Variants in KLHL26 observed in about 807,000 individuals in gnomAD.
KLHL26 encodes kelch like family member 26.
Under a neutral mutation model 7.1 loss-of-function variants are expected in KLHL26, and 4 were observed. That is an observed-to-expected ratio of 0.56 (90% confidence interval 0.28 to 1.28). KLHL26 has a LOEUF of 1.28. KLHL26 is among the 50% of genes most tolerant of loss of function. The probability of loss-of-function intolerance (pLI) is 0.11; values close to 1 mark genes in which losing one functional copy is unlikely to be tolerated. For missense variants in KLHL26, 896 were observed against 924.6 expected, an observed-to-expected ratio of 0.97 and a Z score of 0.40; for synonymous variants, 465 against 414.1, an observed-to-expected ratio of 1.12 and a Z score of -1.49.
intron 2 of KLHL26, among the ~76,000 whole-genome samples, chr19:18,666,198 G>A (rs143847182): frequency 1.1e-4 from 17 of 152,268 alleles, no homozygotes; most frequent in African/African-American, 2.4e-4. Context: ...CTCCTGGACC[G>A]CTCAGAGATG....
At position 18,645,372 on chromosome 19, in the gene KLHL26, C is replaced by A. The variant is rs146003930; in HGVS notation, c.83+8235C>A. 1.0e-3 allele frequency among the ~76,000 whole-genome samples: 152 copies of A among 152,262 alleles called. 1 individual carries two copies. In the Middle Eastern group the frequency reaches 0.031, roughly 31 times the overall value. Reference sequence around the variant, plus strand: ...GAACCTTCTGGCCTTGCAGCCTCTCCGACATGGGCCTTTGGCATCCACGCT... The same window carrying A: ...GAACCTTCTGGCCTTGCAGCCTCTCAGACATGGGCCTTTGGCATCCACGCT... On this transcript the variant is annotated intron_variant, in intron 1 of 2. Transcript: ENST00000300976.
intron 1 of KLHL26, chr19:18,659,639 T>C (rs928476111): frequency 6.6e-6 from 1 of 151,918 alleles, no homozygotes; most frequent in African/African-American, 2.4e-5. Flanking sequence ...TGAAATTCTT[T>C]CTTGTTCTTG....
Position 18,649,811 on chromosome 19 carries a change from A to G in KLHL26, c.83+12674A>G, listed in dbSNP as rs968984492. Reference sequence around the variant, plus strand: ...CTCCGGAGAGGGCCGCACAGAATTCACAGGACTCGTCTCCAACGGCTGCGC... The same window carrying G: ...CTCCGGAGAGGGCCGCACAGAATTCGCAGGACTCGTCTCCAACGGCTGCGC... On this transcript the variant is annotated intron_variant, in intron 1 of 2. Coordinates refer to ENST00000300976, the MANE Select transcript of KLHL26 (RefSeq NM_018316.3). This position sits in a 1 kb window ranked among gnomAD's most constrained non-coding sequence, Gnocchi z 4.0. Among the ~76,000 whole-genome samples, 56 of 151,754 alleles carry G rather than the reference A, an allele frequency of 3.7e-4. No homozygotes were observed. The highest frequency in any genetic ancestry group is 1.4e-3 in the African/African-American group (56 of 41,332).
chr19:18,664,476 G>A lies in KLHL26; in HGVS notation c.266+33G>A, dbSNP rs746329879. ...CTGGCCCCAGGCAGCTGGAAGGGGC[G>A]GCTGCCTGTTGGGACAGGGACAGGG... is the stretch of plus-strand genomic sequence containing the variant. On this transcript the variant is annotated intron_variant, in intron 2 of 2. Transcript: ENST00000300976. The A allele has an allele frequency of 1.8e-5, 28 of 1,514,914 alleles. No individual in the cohort carries two copies. In the East Asian group the frequency reaches 2.1e-4, roughly 11 times the overall value. The allele number at this position is 1,514,914 out of a possible 1,614,324, so 93.8% of individuals were successfully genotyped here. A position where few individuals can be genotyped will look rare whatever the true frequency, so the allele number is the denominator to read the frequency against.
In KLHL26 at chr19:18,649,168, G is replaced by A. The variant is rs968955683; in HGVS notation, c.83+12031G>A. ...CCGTGGCGCCACTGCTCGCCCTGTCGTCATGGTACATTCTCTGCTTGAGGA... is the reference window on the plus strand; with the variant it reads ...CCGTGGCGCCACTGCTCGCCCTGTCATCATGGTACATTCTCTGCTTGAGGA... On this transcript the variant is annotated intron_variant, in intron 1 of 2. Transcript: ENST00000300976. The surrounding 1 kb of genome is among the most constrained non-coding windows in gnomAD (Gnocchi z 4.0). Among the ~76,000 whole-genome samples, 5 of 152,154 alleles carry A rather than the reference G, an allele frequency of 3.3e-5. No individual in the cohort carries two copies. The highest frequency in any genetic ancestry group is 6.5e-5 in the Admixed American group (1 of 15,274).
At chr19:18,665,485 A>C (rs1358417632) in intron 2 of KLHL26, among the ~76,000 whole-genome samples, 1 of 152,242 alleles carries the variant, frequency 6.6e-6, no homozygotes. Flanking sequence ...CTGGAGCAGG[A>C]CAGCTGGGGG....
chr19:18,668,375 C>A lies in KLHL26; in HGVS notation c.978C>A (p.Val326=). The A allele has an allele frequency of 6.2e-7, 1 of 1,607,816 alleles. No individual in the cohort carries two copies. The highest frequency in any genetic ancestry group is 1.1e-5 in the South Asian group (1 of 90,960). The change falls in exon 3 of 3, where the codon GTC becomes GTA. Residue 326 remains valine (V), a synonymous_variant. Coordinates refer to ENST00000300976, the MANE Select transcript of KLHL26 (RefSeq NM_018316.3). The part of the protein sequence containing the change: ...GTPYTDSDRS[V]SSKVYQLPEP... Reference sequence around the variant, plus strand: ...CCTACACCGACAGCGACCGCTCGGTCAGCAGCAAGGTCTACCAGCTGCCTG... The same window carrying A: ...CCTACACCGACAGCGACCGCTCGGTAAGCAGCAAGGTCTACCAGCTGCCTG...
chr19:18,652,425 A>G (rs971662515), intron 1 of KLHL26, among the ~76,000 whole-genome samples: 2 of 152,046 alleles, frequency 1.3e-5, no homozygotes, highest in Admixed American at 1.3e-4. Flanking sequence ...CCTCGTCTCT[A>G]TTAAAAATAC....
chr19:18,656,126 G>A lies in KLHL26; in HGVS notation c.84-8135G>A, dbSNP rs2052330187. ...CTGTTTTCTGGAAGGTTTGAGCAAG[G>A]CTCAGGAAAGGGGAGGCCACGCAGC... On this transcript the variant is annotated intron_variant, in intron 1 of 2. Transcript: ENST00000300976. The surrounding 1 kb of genome is among the most constrained non-coding windows in gnomAD (Gnocchi z 4.4). Among the ~76,000 whole-genome samples, 1 of 152,124 alleles carries A rather than the reference G, an allele frequency of 6.6e-6. No homozygotes were observed. The highest frequency in any genetic ancestry group is 2.1e-4 in the South Asian group (1 of 4,828).
Position 18,668,412 on chromosome 19 carries a change from C to A in KLHL26, c.1015C>A (p.Arg339Ser). The A allele has an allele frequency of 6.2e-7, 1 of 1,610,710 alleles. No individual in the cohort carries two copies. Among genetic ancestry groups the A allele is most frequent in the Non-Finnish European group, 8.5e-7 (1 of 1,179,544 alleles). Residue 339 changes from arginine (R) to serine (S), a missense_variant, in exon 3 of 3, where the codon CGC becomes AGC. Physicochemically the swap from Arg to Ser is moderately radical, Grantham distance 110 (BLOSUM62 -1). Transcript: ENST00000300976. ...KVYQLPEPGA[R>S]HFRELTEMEV... The stretch of plus-strand genomic sequence containing the variant: ...CTACCAGCTGCCTGAGCCGGGAGCC[C>A]GCCACTTCCGCGAGCTCACGGAGAT...
At chr19:18,660,058 T>C (rs866888556) in intron 1 of KLHL26, among the ~76,000 whole-genome samples, 2 of 151,678 alleles carry the variant, frequency 1.3e-5, no homozygotes, top group South Asian at 4.2e-4. Context: ...AGGGCAACCC[T>C]TGGAGATCTC....
At chr19:18,662,883 G>A (rs552249530) in intron 1 of KLHL26, among the ~76,000 whole-genome samples, 30 of 152,120 alleles carry the variant, frequency 2.0e-4, no homozygotes, top group African/African-American at 6.3e-4. Context: ...GGAGGTAAGC[G>A]TCCCTTCCAC....
At chr19:18,666,773 A>G (rs1157286849) in intron 2 of KLHL26, among the ~76,000 whole-genome samples, 1 of 152,020 alleles carries the variant, frequency 6.6e-6, no homozygotes, top group East Asian at 1.9e-4. Context: ...CCCTCTTCAC[A>G]TGATGGTTGT....
chr19:18,648,566 G>T lies in KLHL26; in HGVS notation c.83+11429G>T, dbSNP rs141745309. On this transcript the variant is annotated intron_variant, in intron 1 of 2. Transcript: ENST00000300976. The surrounding 1 kb of genome is among the most constrained non-coding windows in gnomAD (Gnocchi z 4.9). The stretch of plus-strand genomic sequence containing the variant: ...GCTGCACTGCCTGCAACAAGCAGCA[G>T]ACTTGGAGGCGCCACCTGGCCTAGG... Among the ~76,000 whole-genome samples the T allele has an allele frequency of 7.3e-3, 1,114 of 152,320 alleles. 29 individuals are homozygous for T. Among genetic ancestry groups the T allele is most frequent in the Admixed American group, 0.043 (660 of 15,298 alleles).
intron 1 of KLHL26, among the ~76,000 whole-genome samples, chr19:18,654,317 A>G (rs1359361747): frequency 7.0e-6 from 1 of 141,896 alleles, no homozygotes; most frequent in African/African-American, 2.7e-5. Context: ...CCATCTACCA[A>G]CCCACCCACC....
In KLHL26 at chr19:18,668,838, T is replaced by C. The variant is rs769905524; in HGVS notation, c.1441T>C (p.Tyr481His). The C allele has an allele frequency of 1.0e-5, 16 of 1,593,266 alleles. No homozygotes were observed. The highest frequency in any genetic ancestry group is 1.7e-5 in the Admixed American group (1 of 59,560). Residue 481 changes from tyrosine (Y) to histidine (H), a missense_variant, in exon 3 of 3, where the codon TAC becomes CAC. By Grantham distance (83) the Tyr-to-His change is moderately conservative (BLOSUM62 2). Coordinates refer to ENST00000300976, the MANE Select transcript of KLHL26 (RefSeq NM_018316.3). Reference protein sequence around the residue: ...SVEDKKALHCYDPVADQWEFK... With the variant: ...SVEDKKALHCHDPVADQWEFK... Reference sequence around the variant, plus strand: ...GGAGGACAAGAAGGCCCTGCACTGCTACGACCCCGTGGCCGACCAGTGGGA... The same window carrying C: ...GGAGGACAAGAAGGCCCTGCACTGCCACGACCCCGTGGCCGACCAGTGGGA...
At chr19:18,643,456 A>ATG (rs1310978518) in intron 1 of KLHL26, among the ~76,000 whole-genome samples, 2 of 151,330 alleles carry the variant, frequency 1.3e-5, no homozygotes, top group Non-Finnish European at 2.9e-5. Context: ...AAATATATAT[A>ATG]TTATTTTATA....
At chr19:18,666,735 T>C (rs1003826094) in intron 2 of KLHL26, among the ~76,000 whole-genome samples, 2 of 152,164 alleles carry the variant, frequency 1.3e-5, no homozygotes, top group Non-Finnish European at 2.9e-5. Context: ...TGGTGGGGGC[T>C]CCATTCCTGG....
At chr19:18,666,533 G>A (rs912929528) in intron 2 of KLHL26, among the ~76,000 whole-genome samples, 88 of 152,328 alleles carry the variant, frequency 5.8e-4, no homozygotes, top group African/African-American at 2.1e-3. Context: ...AGAACCGTGT[G>A]CCTCCCCGCT....
Sources: gnomAD v4.1 joint callset for allele counts (sites outside exome capture counted in the v4.1 genomes callset) on GRCh38, gnomAD v4.1.1 for gene constraint, Gnocchi (gnomAD v3.1) non-coding constraint, MANE v1.5 for transcripts, NCBI Gene and HGNC (gene_info 2026-07-23, HGNC 2026-07-21) for gene names.